DRC9: variants seen among roughly 807,000 people sequenced by gnomAD.
The protein encoded by DRC9 is dynein regulatory complex protein 9.
At chr3:197,944,092 T>C in the DRC9 span, 4 of 1,571,734 alleles carry the variant, frequency 2.5e-6, no homozygotes, top group Non-Finnish European at 3.5e-6. Flanking sequence ...GCAACCAATA[T>C]TTAAACATTA....
the DRC9 span, among the ~76,000 whole-genome samples, chr3:197,928,863 C>G: frequency 6.6e-6 from 1 of 152,166 alleles, no homozygotes. Context: ...CTACAGGCCC[C>G]CCAGAAAAGC....
At chr3:197,926,969 A>G in the DRC9 span, among the ~76,000 whole-genome samples, 1 of 152,092 alleles carries the variant, frequency 6.6e-6, no homozygotes, top group Non-Finnish European at 1.5e-5. Flanking sequence ...GGTCACACAA[A>G]CAGTAAATGG....
chr3:197,940,097 G>A, the DRC9 span, among the ~76,000 whole-genome samples: 1 of 151,916 alleles, frequency 6.6e-6, no homozygotes, highest in African/African-American at 2.4e-5. Flanking sequence ...GGGTTCAAGC[G>A]ATTCTCCTGC....
chr3:197,926,142 G>T, the DRC9 span: 2 of 1,224,764 alleles, frequency 1.6e-6, no homozygotes, highest in Non-Finnish European at 2.4e-6. Flanking sequence ...TTAGAGCAGT[G>T]CTTCTCAAAA....
chr3:197,932,874 A>ACAT, the DRC9 span, among the ~76,000 whole-genome samples: 1 of 136,518 alleles, frequency 7.3e-6, no homozygotes, highest in African/African-American at 2.9e-5. Context: ...TGTATAATAT[A>ACAT]TATTATATAT....
the DRC9 span, among the ~76,000 whole-genome samples, chr3:197,928,166 C>T: frequency 6.6e-5 from 10 of 152,094 alleles, no homozygotes; most frequent in African/African-American, 2.2e-4. Flanking sequence ...CTGGAGTTAA[C>T]TATCATTGAA....
the DRC9 span, among the ~76,000 whole-genome samples, chr3:197,914,939 C>T: frequency 5.3e-5 from 8 of 151,664 alleles, no homozygotes; most frequent in South Asian, 2.1e-4. Flanking sequence ...TGAGGCATGG[C>T]GACCAGCTGA....
At chr3:197,913,909 G>C in the DRC9 span, 1 of 1,614,140 alleles carries the variant, frequency 6.2e-7, no homozygotes, top group Non-Finnish European at 8.5e-7. Flanking sequence ...GAGTTCCTCT[G>C]TTCTGTTACA....
At chr3:197,921,148 G>A in the DRC9 span, among the ~76,000 whole-genome samples, 14 of 130,602 alleles carry the variant, frequency 1.1e-4, 2 homozygotes, top group Non-Finnish European at 2.0e-4. Flanking sequence ...AGTAACTCCG[G>A]GGATGTAACC....
At chr3:197,922,243 C>T in the DRC9 span, among the ~76,000 whole-genome samples, 4 of 152,114 alleles carry the variant, frequency 2.6e-5, no homozygotes, top group Non-Finnish European at 4.4e-5. Context: ...AATGTAATGG[C>T]TGAGAATATA....
At chr3:197,920,674 T>C in the DRC9 span, among the ~76,000 whole-genome samples, 1 of 152,194 alleles carries the variant, frequency 6.6e-6, no homozygotes, top group South Asian at 2.1e-4. Flanking sequence ...TTGTAAATAA[T>C]ATATATAAAT....
At chr3:197,913,889 C>T in the DRC9 span, 8 of 1,614,180 alleles carry the variant, frequency 5.0e-6, no homozygotes, top group Non-Finnish European at 6.8e-6. Context: ...ACCTCAATCT[C>T]TTCCACCAAG....
At chr3:197,910,982 CAAAAAAA>C in the DRC9 span, among the ~76,000 whole-genome samples, 7 of 61,510 alleles carry the variant, frequency 1.1e-4, no homozygotes, top group Admixed American at 7.6e-4. Context: ...AAAAACAAAA[CAAAAAAA>C]AAAAAAAAAA....
At chr3:197,944,203 G>A in the DRC9 span, 2 of 686,916 alleles carry the variant, frequency 2.9e-6, no homozygotes, top group African/African-American at 3.6e-5. Context: ...TTTGGCGTGT[G>A]ATTCTGCTAA....
chr3:197,919,113 A>C, the DRC9 span, among the ~76,000 whole-genome samples: 1 of 152,146 alleles, frequency 6.6e-6, no homozygotes, highest in Non-Finnish European at 1.5e-5. Flanking sequence ...CGGCCAATGT[A>C]AGTGTTTATA....
the DRC9 span, among the ~76,000 whole-genome samples, chr3:197,923,188 A>C: frequency 6.6e-6 from 1 of 152,174 alleles, no homozygotes; most frequent in African/African-American, 2.4e-5. Flanking sequence ...GGGAGACCAC[A>C]GCTCACTGCA....
the DRC9 span, among the ~76,000 whole-genome samples, chr3:197,904,097 T>TACATAC: frequency 2.1e-5 from 1 of 46,518 alleles, no homozygotes; most frequent in Non-Finnish European, 4.4e-5. Flanking sequence ...CATATATATA[T>TACATAC]ATATATATAT....
the DRC9 span, chr3:197,891,394 T>TGTTC: frequency 2.2e-6 from 2 of 905,748 alleles, no homozygotes; most frequent in African/African-American, 3.3e-5. Flanking sequence ...AATGCTTTTG[T>TGTTC]GTTCCTCAGT....
At chr3:197,899,090 CAAA>C in the DRC9 span, among the ~76,000 whole-genome samples, 1 of 152,000 alleles carries the variant, frequency 6.6e-6, no homozygotes, top group Non-Finnish European at 1.5e-5. Context: ...ACGTAAGTTA[CAAA>C]AAAGACTCAT....
Sources: gnomAD v4.1 joint callset for allele counts (sites outside exome capture counted in the v4.1 genomes callset) on GRCh38, gnomAD v4.1.1 for gene constraint, MANE v1.5 for transcripts, NCBI Gene and HGNC (gene_info 2026-07-23, HGNC 2026-07-21) for gene names.